Variants in PARD3B observed in about 807,000 individuals in gnomAD.
The protein encoded by PARD3B is partitioning defective 3 homolog B.
PARD3B carries 103 observed loss-of-function variants against 130.2 expected under a neutral mutation model. The ratio of observed to expected loss-of-function variants is 0.79; its 90% CI spans 0.67 to 0.93. The LOEUF (loss-of-function observed/expected upper bound fraction) is 0.93. PARD3B is among the 40% of genes least tolerant of loss of function. The probability of loss-of-function intolerance (pLI) is 0.00; values close to 1 mark genes in which losing one functional copy is unlikely to be tolerated. For missense variants in PARD3B, 1,609 were observed against 1,499.2 expected, an observed-to-expected ratio of 1.07 and a Z score of -1.21; for synonymous variants, 583 against 553.2, an observed-to-expected ratio of 1.05 and a Z score of -0.76.
chr2:205,468,735 A>C (rs1255460989), intron 20 of PARD3B, among the ~76,000 whole-genome samples: 2 of 152,150 alleles, frequency 1.3e-5, no homozygotes, highest in African/African-American at 4.8e-5. Flanking sequence ...AGTGTTCCTC[A>C]AACTTTTATT....
intron 2 of PARD3B, among the ~76,000 whole-genome samples, chr2:204,787,901 GAACTGGATT>G (rs2042065972): frequency 6.6e-6 from 1 of 152,154 alleles, no homozygotes; most frequent in South Asian, 2.1e-4. Flanking sequence ...TGTGGCTATT[GAACTGGATT>G]TGTCCATTGA....
intron 2 of PARD3B, among the ~76,000 whole-genome samples, chr2:204,922,120 T>C (rs1289631839): frequency 6.6e-6 from 1 of 152,136 alleles, no homozygotes; most frequent in African/African-American, 2.4e-5. Context: ...GAGCTTCCCA[T>C]GGGATATCTA....
intron 1 of PARD3B, among the ~76,000 whole-genome samples, chr2:204,560,871 A>T (rs1259992446): frequency 1.3e-5 from 2 of 151,876 alleles, no homozygotes; most frequent in Non-Finnish European, 2.9e-5. Context: ...TGGAGGTTAG[A>T]TGTATTGAAG....
chr2:205,578,961 A>G (rs1318594911), intron 22 of PARD3B, among the ~76,000 whole-genome samples: 2 of 152,220 alleles, frequency 1.3e-5, no homozygotes, highest in Non-Finnish European at 2.9e-5. Context: ...TTTGGTAAAT[A>G]TTTGCTTTCA....
chr2:204,589,716 A>G (rs1487661778), intron 1 of PARD3B, among the ~76,000 whole-genome samples: 1 of 152,226 alleles, frequency 6.6e-6, no homozygotes, highest in African/African-American at 2.4e-5. Context: ...GAGGTTTTGA[A>G]TCTAAGATAA....
At chr2:205,044,783 C>A (rs1698651739) in intron 3 of PARD3B, among the ~76,000 whole-genome samples, 1 of 152,092 alleles carries the variant, frequency 6.6e-6, no homozygotes, top group Non-Finnish European at 1.5e-5. Context: ...GTTTCTTTTG[C>A]TGTGCAGAAG....
In PARD3B at chr2:205,539,755, C is replaced by A. The variant is rs555853372; in HGVS notation, c.3181-13569C>A. ...TCTCCAGACCCGAACCCCACCCCTC[C>A]CCCAGGTCATTGCACAGAGCAAACG... On this transcript the variant is annotated intron_variant, in intron 21 of 22. Coordinates refer to ENST00000406610, the MANE Select transcript of PARD3B (RefSeq NM_001302769.2). Among the ~76,000 whole-genome samples the A allele has an allele frequency of 1.7e-4, 26 of 152,252 alleles. 1 individual carries two copies. The East Asian group carries it at 5.0e-3, about 29-fold the overall frequency.
At chr2:205,438,856 T>C (rs1217747443) in intron 19 of PARD3B, among the ~76,000 whole-genome samples, 1 of 152,156 alleles carries the variant, frequency 6.6e-6, no homozygotes, top group Non-Finnish European at 1.5e-5. Context: ...TATGCAATAA[T>C]ATATCCTGGC....
rs1044084532 is a variant in PARD3B, at chr2:205,105,800, A to G, written c.593+1286A>G. On this transcript the variant is annotated intron_variant, in intron 5 of 22. Coordinates refer to ENST00000406610, the MANE Select transcript of PARD3B (RefSeq NM_001302769.2). This position sits in a 1 kb window ranked among gnomAD's most constrained non-coding sequence, Gnocchi z 4.0. ...GAAGAAAAAAAAAAGGCGGGGGGAT[A>G]TGGGGTAGGGAGTAATAGAAAATCT... is the stretch of plus-strand genomic sequence containing the variant. 6.6e-6 allele frequency among the ~76,000 whole-genome samples: 1 copy of G among 151,466 alleles called. No homozygotes were observed. The highest frequency in any genetic ancestry group is 1.5e-5 in the Non-Finnish European group (1 of 67,852).
At chr2:205,072,240 C>CTTTTTT (rs34061560) in intron 4 of PARD3B, among the ~76,000 whole-genome samples, 1 of 140,532 alleles carries the variant, frequency 7.1e-6, no homozygotes, top group Non-Finnish European at 1.6e-5. Context: ...AATTCAGGTC[C>CTTTTTT]TTTTTTTTTT....
rs962040605 is a variant in PARD3B, at chr2:205,546,220, G to A, written c.3181-7104G>A. Among the ~76,000 whole-genome samples the A allele has an allele frequency of 5.3e-5, 8 of 152,108 alleles. No homozygotes were observed. In the East Asian group the frequency reaches 5.8e-4, roughly 11 times the overall value. On this transcript the variant is annotated intron_variant, in intron 21 of 22. Coordinates refer to ENST00000406610, the MANE Select transcript of PARD3B (RefSeq NM_001302769.2). The stretch of plus-strand genomic sequence containing the variant: ...GTGCAAGGCGCACCAAGGTATGAGC[G>A]CTTTAAATTGTTTTGAATAAGCTCT...
In PARD3B at chr2:205,121,702, T is replaced by C. The variant is rs779497404; in HGVS notation, c.918T>C (p.Ile306=). Residue 306 remains isoleucine, a synonymous_variant, in exon 8 of 23, where the codon ATT becomes ATC. Coordinates refer to ENST00000406610, the MANE Select transcript of PARD3B (RefSeq NM_001302769.2). This position sits in a 1 kb window ranked among gnomAD's most constrained non-coding sequence, Gnocchi z 5.0. ...AGTCAGTCATTGGCTCTCTTAACAT[T>C]TTTGGTAATAATGATGGCGTTTTGA... ...YEKSVIGSLN[I]FGNNDGVLKT... 6.2e-7 allele frequency: 1 copy of C among 1,614,146 alleles called. No homozygotes were observed. Among genetic ancestry groups the C allele is most frequent in the East Asian group, 2.2e-5 (1 of 44,874 alleles).
At chr2:205,284,177 T>G (rs1169696084) in intron 16 of PARD3B, among the ~76,000 whole-genome samples, 1 of 152,226 alleles carries the variant, frequency 6.6e-6, no homozygotes, top group Non-Finnish European at 1.5e-5. Flanking sequence ...CAAGCTTCCC[T>G]TGAAAGAAAA....
chr2:205,471,423 G>A (rs971877796), intron 20 of PARD3B, among the ~76,000 whole-genome samples: 8 of 144,684 alleles, frequency 5.5e-5, no homozygotes, highest in Non-Finnish European at 6.0e-5. Flanking sequence ...GTGCAGTGGC[G>A]CAATCTCGGC....
chr2:205,472,472 TA>T (rs1212400293), intron 20 of PARD3B, among the ~76,000 whole-genome samples: 30 of 152,302 alleles, frequency 2.0e-4, no homozygotes, highest in Admixed American at 5.9e-4. Context: ...TTTATGATAA[TA>T]AATACTATTT....
intron 4 of PARD3B, among the ~76,000 whole-genome samples, chr2:205,055,970 C>T (rs573959226): frequency 2.0e-5 from 3 of 152,178 alleles, no homozygotes; most frequent in African/African-American, 7.2e-5. Context: ...GGCTAAAGTA[C>T]ATATAGTCAT....
At chr2:204,656,610 A>G (rs2035648868) in intron 1 of PARD3B, among the ~76,000 whole-genome samples, 1 of 152,170 alleles carries the variant, frequency 6.6e-6, no homozygotes, top group African/African-American at 2.4e-5. Context: ...TATTACTATG[A>G]ACTCAGATCT....
At chr2:205,233,148 A>C (rs986926425) in intron 15 of PARD3B, among the ~76,000 whole-genome samples, 1 of 152,326 alleles carries the variant, frequency 6.6e-6, no homozygotes, top group South Asian at 2.1e-4. Flanking sequence ...GACACATTTC[A>C]TACAGAGAAA....
At chr2:204,850,355 C>T (rs2044656634) in intron 2 of PARD3B, among the ~76,000 whole-genome samples, 1 of 151,990 alleles carries the variant, frequency 6.6e-6, no homozygotes. Context: ...ACTGGGTTGC[C>T]TTGATATTTT....
Sources: allele counts gnomAD v4.1 joint callset (sites outside exome capture counted in the v4.1 genomes callset), GRCh38; gene constraint gnomAD v4.1.1; non-coding constraint Gnocchi (gnomAD v3.1); transcripts MANE v1.5; gene names NCBI Gene and HGNC (gene_info 2026-07-23, HGNC 2026-07-21).